Variants in PAPPA2 observed in about 807,000 individuals in gnomAD.
PAPPA2 encodes the protein pappalysin-2.
PAPPA2 carries 86 observed loss-of-function variants against 176.4 expected under a neutral mutation model. That is an observed-to-expected ratio of 0.49 (90% CI 0.41 to 0.58). PAPPA2 has a LOEUF of 0.58. Among genes scored for constraint, PAPPA2 ranks in the 20% least tolerant of loss-of-function variants. The pLI is 0.00. For synonymous variants in PAPPA2, 809 were observed against 852.2 expected (o/e 0.95, Z 0.88); for missense variants, 2,073 against 2,256.9 (o/e 0.92, Z 1.65).
intron 3 of PAPPA2, chr1:176,616,215 C>A: frequency 2.4e-6 from 1 of 422,354 alleles, no homozygotes; most frequent in Non-Finnish European, 4.6e-6. Context: ...ATGTGTATAA[C>A]AAATTAGGTC....
At chr1:176,791,280 C>T in intron 18 of PAPPA2, 67 bp from the exon 19 acceptor site, 1 of 1,326,356 alleles carries the variant, frequency 7.5e-7, no homozygotes, top group Non-Finnish European at 1.0e-6. Context: ...CTTAATCAGA[C>T]CACTTTTTTC....
intron 1 of PAPPA2, among the ~76,000 whole-genome samples, chr1:176,467,748 A>G (rs1488697256): frequency 6.6e-6 from 1 of 152,218 alleles, no homozygotes; most frequent in African/African-American, 2.4e-5. Context: ...TAGGTTTGGC[A>G]CTTCAGTACA....
rs1027599932 is a variant in PAPPA2 at position 176,695,774 on chromosome 1, T to C, written c.2661T>C (p.Asp887=). The part of the protein sequence containing the change: ...SGSLCGACTE[D]GTFRQYVHTA... ...GCTTGTGTGGCGCTTGCACTGAAGA[T>C]GGGACCTTTCGTCAGTATGTGCACA... is the stretch of plus-strand genomic sequence containing the variant. Residue 887 remains aspartate (D), a synonymous_variant, in exon 7 of 23, where the codon GAT becomes GAC. Coordinates refer to ENST00000367662, the MANE Select transcript of PAPPA2 (RefSeq NM_020318.3). 1 of 1,614,078 alleles carries C rather than the reference T, an allele frequency of 6.2e-7. No homozygotes were observed. Among genetic ancestry groups the C allele is most frequent in the East Asian group, 2.2e-5 (1 of 44,860 alleles).
chr1:176,530,119 C>G (rs1050262187), intron 1 of PAPPA2, among the ~76,000 whole-genome samples: 6 of 152,200 alleles, frequency 3.9e-5, no homozygotes, highest in African/African-American at 1.4e-4. Context: ...GGCAGGCTAC[C>G]TGCTCTTGAA....
At chr1:176,511,390 A>T (rs568862491) in intron 1 of PAPPA2, among the ~76,000 whole-genome samples, 31 of 152,324 alleles carry the variant, frequency 2.0e-4, no homozygotes, top group East Asian at 1.7e-3. Flanking sequence ...TTTACAGGGA[A>T]TCTGCAAAAA....
At chr1:176,804,091 AAGATAAATG>A (rs1361589886) in intron 21 of PAPPA2, among the ~76,000 whole-genome samples, 9 of 152,232 alleles carry the variant, frequency 5.9e-5, no homozygotes. Context: ...GGTTACAGTG[AAGATAAATG>A]AGATAAATGA....
intron 20 of PAPPA2, among the ~76,000 whole-genome samples, chr1:176,798,363 AC>A (rs1404226077): frequency 2.0e-5 from 3 of 152,126 alleles, no homozygotes; most frequent in Non-Finnish European, 4.4e-5. Flanking sequence ...GGAAAATCTG[AC>A]CCATAGTGAG....
chr1:176,803,440 A>AAAAGG (rs1479301794), intron 21 of PAPPA2, among the ~76,000 whole-genome samples: 2 of 152,296 alleles, frequency 1.3e-5, no homozygotes, highest in Non-Finnish European at 2.9e-5. Context: ...GAGGATGTGA[A>AAAAGG]AAAGGAAAGG....
chr1:176,548,002 T>G (rs746764527), intron 1 of PAPPA2, among the ~76,000 whole-genome samples: 2 of 152,232 alleles, frequency 1.3e-5, no homozygotes, highest in Non-Finnish European at 2.9e-5. Flanking sequence ...TAGCACAACA[T>G]AACCTAGTGA....
At chr1:176,499,140 C>G (rs1647811258) in intron 1 of PAPPA2, among the ~76,000 whole-genome samples, 1 of 152,136 alleles carries the variant, frequency 6.6e-6, no homozygotes, top group Admixed American at 6.5e-5. Context: ...AAACTCTTCC[C>G]CTAATAGAGT....
chr1:176,765,407 C>G lies in PAPPA2; in HGVS notation c.4152-259C>G, dbSNP rs1293798080. The stretch of plus-strand genomic sequence containing the variant: ...AACTCTCAGAATCTGTTCTCCACCT[C>G]ATTTCATCACCATTTGATCCTCCTG... On this transcript the variant is annotated intron_variant, in intron 14 of 22. Transcript: ENST00000367662. Among the ~76,000 whole-genome samples the G allele has an allele frequency of 2.0e-5, 3 of 152,214 alleles. No individual in the cohort carries two copies. In the East Asian group the frequency reaches 5.8e-4, roughly 29 times the overall value.
intron 12 of PAPPA2, among the ~76,000 whole-genome samples, chr1:176,726,247 T>C (rs1471330648): frequency 6.6e-6 from 1 of 152,224 alleles, no homozygotes; most frequent in African/African-American, 2.4e-5. Flanking sequence ...TTCTAAACTC[T>C]TCTCCTGAGC....
chr1:176,775,557 A>G (rs1308265345), intron 17 of PAPPA2, among the ~76,000 whole-genome samples: 1 of 152,132 alleles, frequency 6.6e-6, no homozygotes, highest in Non-Finnish European at 1.5e-5. Flanking sequence ...GTAACAGAAA[A>G]ACGATTACCT....
chr1:176,473,695 G>A (rs944481492), intron 1 of PAPPA2, among the ~76,000 whole-genome samples: 4 of 152,124 alleles, frequency 2.6e-5, no homozygotes, highest in Non-Finnish European at 5.9e-5. Context: ...CCAGCATTTG[G>A]CATTATCAGT....
chr1:176,637,643 T>C (rs1656787539), intron 3 of PAPPA2, among the ~76,000 whole-genome samples: 1 of 152,136 alleles, frequency 6.6e-6, no homozygotes, highest in Non-Finnish European at 1.5e-5. Context: ...AGCTTTTTCA[T>C]GACTATTTGA....
At chr1:176,712,972 T>A (rs527485750) in intron 12 of PAPPA2, among the ~76,000 whole-genome samples, 1 of 152,354 alleles carries the variant, frequency 6.6e-6, no homozygotes, top group Admixed American at 6.5e-5. Context: ...ACATATTTTT[T>A]AAGGGCATAA....
At chr1:176,766,729 A>G (rs1663985562) in intron 15 of PAPPA2, among the ~76,000 whole-genome samples, 3 of 152,178 alleles carry the variant, frequency 2.0e-5, no homozygotes, top group African/African-American at 7.2e-5. Context: ...TCAATTCCCC[A>G]CAGAGAAATT....
At chr1:176,833,649 G>T (rs1452577725) in intron 21 of PAPPA2, among the ~76,000 whole-genome samples, 2 of 152,136 alleles carry the variant, frequency 1.3e-5, no homozygotes, top group Non-Finnish European at 2.9e-5. Context: ...TAACATTTTA[G>T]ATGGTTTATA....
chr1:176,495,498 C>CCA (rs1180091343), intron 1 of PAPPA2, among the ~76,000 whole-genome samples: 2 of 150,406 alleles, frequency 1.3e-5, no homozygotes, highest in African/African-American at 4.9e-5. Flanking sequence ...GAAGATCATG[C>CCA]CACTGCACTC....
Sources: allele counts gnomAD v4.1 joint callset (sites outside exome capture counted in the v4.1 genomes callset), GRCh38; gene constraint gnomAD v4.1.1; transcripts MANE v1.5; gene names NCBI Gene and HGNC (gene_info 2026-07-23, HGNC 2026-07-21).